GRM8: variants seen among roughly 807,000 people sequenced by gnomAD.
The protein encoded by GRM8 is glutamate metabotropic receptor 8, also known as metabotropic glutamate receptor 8.
GRM8 carries 47 observed loss-of-function variants against 87.2 expected under a neutral mutation model. The ratio of observed to expected loss-of-function variants is 0.54; its 90% CI spans 0.43 to 0.69. The LOEUF is 0.69. Ranked by LOEUF, GRM8 falls within the 30% of genes least tolerant of loss-of-function variation. The pLI, the probability that GRM8 is intolerant of heterozygous loss-of-function variation, is 0.00. For synonymous variants in GRM8, 396 were observed against 404.5 expected (o/e 0.98, Z 0.25); for missense variants, 1,019 against 1,139.2 (o/e 0.89, Z 1.52).
chr7:127,225,703 T>C lies in GRM8; in HGVS notation c.510+16992A>G, dbSNP rs374064248. ...TTTATAATATATATACTATATATTATATAGATATTTTATAATAGGCATTTT... is the reference window on the plus strand; with the variant it reads ...TTTATAATATATATACTATATATTACATAGATATTTTATAATAGGCATTTT... On this transcript the variant is annotated intron_variant, in intron 2 of 10. Transcript: ENST00000339582. Among the ~76,000 whole-genome samples, 34 of 148,544 alleles carry C rather than the reference T, an allele frequency of 2.3e-4. No homozygotes were observed. In the East Asian group the frequency reaches 3.7e-3, roughly 16 times the overall value.
intron 8 of GRM8, among the ~76,000 whole-genome samples, chr7:126,593,496 G>T (rs1189457065): frequency 6.6e-6 from 1 of 151,862 alleles, no homozygotes. Flanking sequence ...CATACAATGG[G>T]GAAATCACAG....
At chr7:127,233,874 C>T (rs11563675) in intron 2 of GRM8, among the ~76,000 whole-genome samples, 17,441 of 152,162 alleles carry the variant, frequency 0.11, 1,260 homozygotes, top group Middle Eastern at 0.25. Flanking sequence ...ATGCCTAGAC[C>T]CCTACACCTT....
At chr7:126,717,711 A>C (rs1042263483) in intron 7 of GRM8, among the ~76,000 whole-genome samples, 2 of 152,170 alleles carry the variant, frequency 1.3e-5, no homozygotes, top group Non-Finnish European at 2.9e-5. Flanking sequence ...AAAAACATAA[A>C]AATTTAGGAG....
At chr7:126,701,629 G>C (rs1354263158) in intron 7 of GRM8, 1 of 369,790 alleles carries the variant, frequency 2.7e-6, no homozygotes, top group East Asian at 7.3e-5. Flanking sequence ...TTTGATTTTT[G>C]TTACAAGATC....
chr7:126,766,474 G>A (rs2151593971), intron 7 of GRM8, among the ~76,000 whole-genome samples: 1 of 152,124 alleles, frequency 6.6e-6, no homozygotes, highest in South Asian at 2.1e-4. Flanking sequence ...AATTTTAAAT[G>A]GGCATTACTA....
At chr7:127,024,903 G>A (rs1341499764) in intron 3 of GRM8, among the ~76,000 whole-genome samples, 1 of 151,846 alleles carries the variant, frequency 6.6e-6, no homozygotes, top group Non-Finnish European at 1.5e-5. Context: ...CCCTTCATAC[G>A]ATCTCACCAA....
chr7:127,159,096 T>G (rs1048279658), intron 2 of GRM8, among the ~76,000 whole-genome samples: 5 of 152,218 alleles, frequency 3.3e-5, no homozygotes, highest in African/African-American at 1.2e-4. Flanking sequence ...TGCAAGTGGT[T>G]ACAGCTGCTC....
intron 2 of GRM8, among the ~76,000 whole-genome samples, chr7:127,201,498 T>C (rs1370128387): frequency 2.0e-5 from 3 of 152,232 alleles, no homozygotes; most frequent in Non-Finnish European, 4.4e-5. Context: ...TGCTAAAATA[T>C]GTTTGGTGGT....
chr7:127,075,029 A>G (rs1261683949), intron 3 of GRM8, among the ~76,000 whole-genome samples: 5 of 152,240 alleles, frequency 3.3e-5, no homozygotes, highest in African/African-American at 9.6e-5. Flanking sequence ...TCAGAGTTAT[A>G]GGTGTGTTTC....
intron 6 of GRM8, among the ~76,000 whole-genome samples, chr7:126,799,830 CCTCT>C (rs755197993): frequency 1.3e-5 from 2 of 152,090 alleles, no homozygotes; most frequent in African/African-American, 2.4e-5. Flanking sequence ...CAGTTTGCTC[CCTCT>C]AAGTTGGGTT....
chr7:126,969,721 G>T, intron 3 of GRM8, among the ~76,000 whole-genome samples: 1 of 152,054 alleles, frequency 6.6e-6, no homozygotes, highest in Non-Finnish European at 1.5e-5. Context: ...AATCACAAAT[G>T]TTCTTACTGG....
At chr7:127,079,699 G>A (rs1822646077) in intron 3 of GRM8, among the ~76,000 whole-genome samples, 1 of 152,136 alleles carries the variant, frequency 6.6e-6, no homozygotes, top group Admixed American at 6.5e-5. Context: ...TTCTTCCTCA[G>A]GGACTACTGG....
intron 7 of GRM8, among the ~76,000 whole-genome samples, chr7:126,610,690 A>G (rs1464711517): frequency 1.3e-5 from 2 of 152,248 alleles, no homozygotes; most frequent in African/African-American, 4.8e-5. Flanking sequence ...CAAATCGATG[A>G]CTTTATCAAA....
At chr7:127,073,295 G>A (rs533477460) in intron 3 of GRM8, among the ~76,000 whole-genome samples, 1 of 152,320 alleles carries the variant, frequency 6.6e-6, no homozygotes, top group Non-Finnish European at 1.5e-5. Context: ...GAACAGAAGA[G>A]CGGAGTAATG....
At chr7:126,536,994 A>G (rs1815845447) in intron 8 of GRM8, among the ~76,000 whole-genome samples, 1 of 152,212 alleles carries the variant, frequency 6.6e-6, no homozygotes, top group Non-Finnish European at 1.5e-5. Flanking sequence ...GTTAAAAAAG[A>G]AATGTACCTA....
intron 6 of GRM8, among the ~76,000 whole-genome samples, chr7:126,806,551 T>C (rs1417911762): frequency 1.3e-5 from 2 of 152,240 alleles, no homozygotes; most frequent in Non-Finnish European, 2.9e-5. Context: ...TTGGTCCGTT[T>C]TGACAGAGTG....
At chr7:127,015,220 GAA>G (rs2132154991) in intron 3 of GRM8, among the ~76,000 whole-genome samples, 1 of 132,642 alleles carries the variant, frequency 7.5e-6, no homozygotes, top group South Asian at 2.6e-4. Flanking sequence ...AGAAGAAGAA[GAA>G]GAAGAAGAAG....
chr7:126,753,433 C>CACACACATATAT (rs1816658967), intron 7 of GRM8, among the ~76,000 whole-genome samples: 1 of 151,528 alleles, frequency 6.6e-6, no homozygotes, highest in Non-Finnish European at 1.5e-5. Flanking sequence ...CGTATATATA[C>CACACACATATAT]ACACACATAT....
At chr7:126,768,430 T>C (rs887870649) in intron 7 of GRM8, among the ~76,000 whole-genome samples, 1 of 149,038 alleles carries the variant, frequency 6.7e-6, no homozygotes, top group African/African-American at 2.5e-5. Flanking sequence ...ATCCTTTTAA[T>C]AGCCATTACA....
Sources: allele counts gnomAD v4.1 joint callset (sites outside exome capture counted in the v4.1 genomes callset), GRCh38; gene constraint gnomAD v4.1.1; transcripts MANE v1.5; gene names NCBI Gene and HGNC (gene_info 2026-07-23, HGNC 2026-07-21).